The following RAD51B variants were observed in gnomAD, a reference collection of about 807,000 sequenced individuals.
The protein encoded by RAD51B is DNA repair protein RAD51 homolog 2.
In RAD51B, 38 loss-of-function variants were observed where a neutral mutation model predicts 42.2. That is an observed-to-expected ratio of 0.90 (90% CI 0.70 to 1.18). RAD51B has a LOEUF of 1.18. Among genes scored for constraint, RAD51B ranks in the 50% most tolerant of loss-of-function variants. RAD51B has a pLI of 0.00. For missense variants in RAD51B, 373 were observed against 400.7 expected (o/e 0.93, Z 0.59); for synonymous variants, 154 against 145.2 (o/e 1.06, Z -0.43).
intron 10 of RAD51B, among the ~76,000 whole-genome samples, chr14:68,566,657 C>G (rs1889435427): frequency 6.6e-6 from 1 of 151,346 alleles, no homozygotes; most frequent in Admixed American, 6.6e-5. Context: ...CTGGGAGAAA[C>G]CCCCCCGGTG....
At chr14:68,067,733 C>A (rs1022577005) in intron 7 of RAD51B, among the ~76,000 whole-genome samples, 2 of 151,036 alleles carry the variant, frequency 1.3e-5, no homozygotes, top group Non-Finnish European at 3.0e-5. Context: ...AGTTTGAGAC[C>A]GTCATGGGCA....
intron 10 of RAD51B, among the ~76,000 whole-genome samples, chr14:68,650,397 G>T (rs1892675929): frequency 6.6e-6 from 1 of 152,204 alleles, no homozygotes; most frequent in Non-Finnish European, 1.5e-5. Context: ...CAGGGTGATT[G>T]TCTGTGGTCT....
At chr14:68,546,038 C>T (rs1888216787) in intron 10 of RAD51B, among the ~76,000 whole-genome samples, 1 of 152,168 alleles carries the variant, frequency 6.6e-6, no homozygotes, top group Admixed American at 6.5e-5. Flanking sequence ...ATGTGAGTTC[C>T]ACGAGGACAG....
At chr14:67,934,795 C>T (rs1296699992) in intron 7 of RAD51B, among the ~76,000 whole-genome samples, 1 of 152,102 alleles carries the variant, frequency 6.6e-6, no homozygotes, top group African/African-American at 2.4e-5. Context: ...TTGTTCCATC[C>T]CTGACTCTTA....
At chr14:68,673,538 A>G (rs1306394914) in intron 11 of RAD51B, among the ~76,000 whole-genome samples, 1 of 151,614 alleles carries the variant, frequency 6.6e-6, no homozygotes, top group African/African-American at 2.4e-5. Context: ...ACACACATAC[A>G]CATACATATG....
At chr14:68,274,828 T>G (rs1260777395) in intron 7 of RAD51B, among the ~76,000 whole-genome samples, 1 of 152,190 alleles carries the variant, frequency 6.6e-6, no homozygotes. Context: ...ATCTTATATT[T>G]CCCATAAACT....
At chr14:68,666,405 G>A (rs1191195642) in intron 11 of RAD51B, among the ~76,000 whole-genome samples, 2 of 152,204 alleles carry the variant, frequency 1.3e-5, no homozygotes, top group Non-Finnish European at 2.9e-5. Context: ...AGTGTAAATG[G>A]AACTAAGAGA....
intron 10 of RAD51B, among the ~76,000 whole-genome samples, chr14:68,594,124 C>T (rs547621509): frequency 9.2e-5 from 14 of 152,202 alleles, no homozygotes; most frequent in Admixed American, 6.5e-5. Flanking sequence ...CCCCACCCCC[C>T]GTGCTCCCCA....
chr14:67,929,594 A>AT (rs2044650860), intron 7 of RAD51B, among the ~76,000 whole-genome samples: 2 of 152,210 alleles, frequency 1.3e-5, no homozygotes, highest in Admixed American at 6.5e-5. Flanking sequence ...TGTTAGGTCC[A>AT]TTTGGTCTAA....
intron 9 of RAD51B, among the ~76,000 whole-genome samples, chr14:68,430,291 A>T (rs561971155): frequency 3.9e-5 from 6 of 152,324 alleles, no homozygotes; most frequent in African/African-American, 9.6e-5. Flanking sequence ...GAAGAAAGTC[A>T]TCGGTAGCTT....
At chr14:68,306,917 AC>A (rs1255338518) in intron 8 of RAD51B, among the ~76,000 whole-genome samples, 1 of 152,178 alleles carries the variant, frequency 6.6e-6, no homozygotes, top group Non-Finnish European at 1.5e-5. Context: ...ACTTCTGTTG[AC>A]AGGTCATTGT....
chr14:68,415,858 T>C (rs2084543866), intron 9 of RAD51B, among the ~76,000 whole-genome samples: 1 of 152,232 alleles, frequency 6.6e-6, no homozygotes. Context: ...ATATAAATTT[T>C]CAAGTGCCCT....
chr14:68,515,373 A>G (rs1447784211), intron 10 of RAD51B, among the ~76,000 whole-genome samples: 1 of 152,038 alleles, frequency 6.6e-6, no homozygotes, highest in Admixed American at 6.6e-5. Flanking sequence ...GCAACGGGAC[A>G]AAGATAGACA....
intron 10 of RAD51B, among the ~76,000 whole-genome samples, chr14:68,521,136 G>A (rs566903142): frequency 1.5e-4 from 23 of 152,214 alleles, no homozygotes; most frequent in Non-Finnish European, 2.9e-4. Context: ...TGTCTGAGGA[G>A]AGGCAACAGC....
chr14:68,296,018 A>G (rs2081607548), intron 8 of RAD51B, among the ~76,000 whole-genome samples: 1 of 152,228 alleles, frequency 6.6e-6, no homozygotes, highest in Non-Finnish European at 1.5e-5. Context: ...AGAGACAGCA[A>G]TACAGGAAGG....
At chr14:68,368,245 A>G (rs1331916209) in intron 8 of RAD51B, among the ~76,000 whole-genome samples, 1 of 152,302 alleles carries the variant, frequency 6.6e-6, no homozygotes, top group East Asian at 1.9e-4. Flanking sequence ...CAGGTGTTTT[A>G]CCTACATTTT....
At chr14:68,108,851 A>T (rs1013016736) in intron 7 of RAD51B, among the ~76,000 whole-genome samples, 1 of 151,960 alleles carries the variant, frequency 6.6e-6, no homozygotes, top group Non-Finnish European at 1.5e-5. Context: ...TTAGTCCACC[A>T]CTTCAATTAT....
intron 1 of RAD51B, among the ~76,000 whole-genome samples, chr14:67,823,247 A>C (rs2040695041): frequency 6.6e-6 from 1 of 152,204 alleles, no homozygotes; most frequent in Non-Finnish European, 1.5e-5. Flanking sequence ...ACAAATGTGA[A>C]GTGGTACTAT....
At chr14:67,981,533 A>C (rs2075092900) in intron 7 of RAD51B, among the ~76,000 whole-genome samples, 1 of 152,248 alleles carries the variant, frequency 6.6e-6, no homozygotes, top group Non-Finnish European at 1.5e-5. Context: ...CCTTATTTAT[A>C]ATAGCCAAAA....
Sources: gnomAD v4.1 joint callset for allele counts (sites outside exome capture counted in the v4.1 genomes callset) on GRCh38, gnomAD v4.1.1 for gene constraint, MANE v1.5 for transcripts, NCBI Gene and HGNC (gene_info 2026-07-23, HGNC 2026-07-21) for gene names.